Variants in POLA1 observed in about 807,000 individuals in gnomAD.
POLA1 encodes DNA polymerase alpha 1, catalytic subunit.
In POLA1, 15 loss-of-function variants were observed where a neutral mutation model predicts 124.0. The ratio of observed to expected loss-of-function variants is 0.12; its 90% CI spans 0.08 to 0.19. POLA1 has a LOEUF of 0.19. POLA1 is among the 10% of genes least tolerant of loss of function. POLA1 has a pLI of 1.00. For synonymous variants in POLA1, 408 were observed against 389.4 expected, an observed-to-expected ratio of 1.05 and a Z score of -0.56; for missense variants, 886 against 1,103.4, an observed-to-expected ratio of 0.80 and a Z score of 2.79.
intron 22 of POLA1, 131 bp downstream of exon 22, chrX:24,742,252 G>T: frequency 1.8e-6 from 1 of 546,239 alleles, no homozygotes; most frequent in Non-Finnish European, 2.8e-6. Flanking sequence ...TAAAGAAACC[G>T]TGTCAAGTTT....
intron 26 of POLA1, among the ~76,000 whole-genome samples, chrX:24,757,471 G>C (rs1010210681): frequency 4.0e-4 from 30 of 74,533 alleles, no homozygotes; most frequent in African/African-American, 2.5e-3. Flanking sequence ...ACAGAGTCTT[G>C]CTCTGTTGCC....
chrX:24,704,535 A>ATT, intron 4 of POLA1, 66 bp downstream of exon 4: 1 of 712,819 alleles, frequency 1.4e-6, no homozygotes, highest in Non-Finnish European at 2.2e-6. Context: ...ATTAGAGATG[A>ATT]CTTGATACTC....
intron 6 of POLA1, among the ~76,000 whole-genome samples, chrX:24,715,421 A>G (rs1929757829): frequency 9.1e-6 from 1 of 110,478 alleles, no homozygotes; most frequent in Non-Finnish European, 1.9e-5. Flanking sequence ...CAGCCTCCCG[A>G]GTAGCTAGGA....
At chrX:24,899,604 C>T (rs775611417) in intron 35 of POLA1, among the ~76,000 whole-genome samples, 1 of 111,728 alleles carries the variant, frequency 9.0e-6, no homozygotes, top group Admixed American at 9.5e-5. Context: ...TGCTAAGCTG[C>T]GGGAGATGAG....
chrX:24,977,774 TC>T (rs1016243469), intron 36 of POLA1, among the ~76,000 whole-genome samples: 1 of 112,130 alleles, frequency 8.9e-6, no homozygotes, highest in African/African-American at 3.2e-5. Context: ...CCAGAATAGA[TC>T]CAGTCTCCTC....
intron 4 of POLA1, among the ~76,000 whole-genome samples, chrX:24,707,260 G>T (rs1928874600): frequency 8.9e-6 from 1 of 112,274 alleles, no homozygotes; most frequent in Non-Finnish European, 1.9e-5. Flanking sequence ...CTGGACTTGA[G>T]TTTTTGTCAG....
At chrX:24,796,623 A>G (rs1402283071) in intron 26 of POLA1, among the ~76,000 whole-genome samples, 4 of 111,425 alleles carry the variant, frequency 3.6e-5, no homozygotes, top group African/African-American at 1.3e-4. Context: ...CCCTTCAGTG[A>G]GCTGTGCCAG....
At chrX:24,798,230 G>C (rs2045644496) in intron 26 of POLA1, among the ~76,000 whole-genome samples, 1 of 111,699 alleles carries the variant, frequency 9.0e-6, no homozygotes, top group African/African-American at 3.3e-5. Context: ...CAAAAGTATA[G>C]AGTATAATGG....
chrX:24,826,632 C>T (rs752215769), intron 32 of POLA1, 31 bp downstream of exon 32: 1 of 1,042,693 alleles, frequency 9.6e-7, no homozygotes, highest in East Asian at 3.1e-5. Context: ...TAGAACCTCA[C>T]ATGGTAACAG....
At chrX:24,967,719 C>T in intron 36 of POLA1, among the ~76,000 whole-genome samples, 1 of 36,700 alleles carries the variant, frequency 2.7e-5, no homozygotes, top group Non-Finnish European at 5.9e-5. Context: ...CTCAAGCTTA[C>T]TTAAGACCTC....
chrX:24,847,852 G>A (rs148214973), intron 34 of POLA1, among the ~76,000 whole-genome samples: 22 of 111,916 alleles, frequency 2.0e-4, no homozygotes, highest in African/African-American at 7.1e-4. Context: ...TCAGATTGGC[G>A]GAAGACTTAT....
intron 36 of POLA1, among the ~76,000 whole-genome samples, chrX:24,958,733 A>C (rs2048136057): frequency 8.9e-6 from 1 of 112,123 alleles, no homozygotes; most frequent in African/African-American, 3.2e-5. Context: ...CAGGAAATGC[A>C]CTGAGATGCC....
At chrX:24,930,999 T>C (rs766707089) in intron 36 of POLA1, among the ~76,000 whole-genome samples, 1 of 111,332 alleles carries the variant, frequency 9.0e-6, no homozygotes, top group African/African-American at 3.3e-5. Flanking sequence ...AGTTCCTTTA[T>C]TGACTCCATC....
chrX:24,893,846 T>A (rs2047173446), intron 35 of POLA1, among the ~76,000 whole-genome samples: 1 of 111,928 alleles, frequency 8.9e-6, no homozygotes, highest in South Asian at 3.7e-4. Flanking sequence ...TATTTTTAAT[T>A]AAGTAGACAG....
At chrX:24,788,173 A>AT (rs1205807725) in intron 26 of POLA1, among the ~76,000 whole-genome samples, 1 of 111,792 alleles carries the variant, frequency 8.9e-6, no homozygotes, top group Non-Finnish European at 1.9e-5. Flanking sequence ...TCCTTTCATG[A>AT]TAAAAACCCC....
At chrX:24,791,500 C>T (rs897363933) in intron 26 of POLA1, among the ~76,000 whole-genome samples, 1 of 112,443 alleles carries the variant, frequency 8.9e-6, no homozygotes, top group Non-Finnish European at 1.9e-5. Flanking sequence ...ATTCTCCTGC[C>T]TCAGCCTCCC....
At chrX:24,840,498 C>T (rs1569334223) in intron 32 of POLA1, among the ~76,000 whole-genome samples, 1 of 111,850 alleles carries the variant, frequency 8.9e-6, no homozygotes, top group Non-Finnish European at 1.9e-5. Flanking sequence ...GAGTCAGCCT[C>T]CAGTATTTTA....
chrX:24,943,006 A>G (rs945211508), intron 36 of POLA1, among the ~76,000 whole-genome samples: 1 of 112,383 alleles, frequency 8.9e-6, no homozygotes. Context: ...GTCCTTGAAG[A>G]GTATTCTCTC....
intron 35 of POLA1, among the ~76,000 whole-genome samples, chrX:24,917,302 A>AG (rs1384620106): frequency 9.0e-6 from 1 of 110,560 alleles, no homozygotes; most frequent in Non-Finnish European, 1.9e-5. Flanking sequence ...AAAAAAAAAA[A>AG]AGGCAAAAAG....
Sources: gnomAD v4.1 joint callset for allele counts (sites outside exome capture counted in the v4.1 genomes callset) on GRCh38, gnomAD v4.1.1 for gene constraint, MANE v1.5 for transcripts, NCBI Gene and HGNC (gene_info 2026-07-23, HGNC 2026-07-21) for gene names.